The following DUSP16 variants were observed in gnomAD, a reference collection of about 807,000 sequenced individuals.
DUSP16 encodes the protein dual specificity protein phosphatase 16.
Under a neutral mutation model 58.3 loss-of-function variants are expected in DUSP16, and 21 were observed. That is an observed-to-expected ratio of 0.36 (90% CI 0.26 to 0.52). DUSP16 has a LOEUF of 0.52. Ranked by LOEUF, DUSP16 falls within the 20% of genes least tolerant of loss-of-function variation. The pLI is 0.94. For missense variants in DUSP16, 726 were observed against 819.0 expected (o/e 0.89, Z 1.39); for synonymous variants, 320 against 323.8 (o/e 0.99, Z 0.12).
chr12:12,560,306 G>A (rs1944878567), intron 1 of DUSP16, among the ~76,000 whole-genome samples: 1 of 151,892 alleles, frequency 6.6e-6, no homozygotes, highest in South Asian at 2.1e-4. Flanking sequence ...TACTTGAACC[G>A]AGTTATTTTC....
At chr12:12,530,321 G>T (rs1021318288) in intron 1 of DUSP16, among the ~76,000 whole-genome samples, 10 of 152,150 alleles carry the variant, frequency 6.6e-5, no homozygotes, top group African/African-American at 2.4e-4. Context: ...TTTGAAAAAT[G>T]TCAGGTCTTT....
intron 1 of DUSP16, among the ~76,000 whole-genome samples, chr12:12,546,277 G>GT: frequency 6.6e-6 from 1 of 152,284 alleles, no homozygotes; most frequent in Non-Finnish European, 1.5e-5. Flanking sequence ...TCGTGGTTGT[G>GT]TTTTTTCACA....
intron 5 of DUSP16, among the ~76,000 whole-genome samples, chr12:12,485,818 G>C (rs1245998614): frequency 9.3e-6 from 1 of 107,044 alleles, no homozygotes; most frequent in Non-Finnish European, 1.8e-5. Flanking sequence ...TTTGGAGACA[G>C]AGTCTCACTC....
rs1461992918 is a variant in DUSP16, at chr12:12,487,083, A to G, written c.636T>C (p.Asn212=). The change falls in exon 5 of 7, where the codon AAT becomes AAC. Residue 212 remains asparagine (N), a synonymous_variant. Coordinates refer to ENST00000298573, the MANE Select transcript of DUSP16 (RefSeq NM_030640.3). ...GCAAAATTTTCTCACAAAAGCTGTC[A>G]TTCACAGGCACACGCAGGAAATGAG... The part of the protein sequence containing the change: ...PESHFLRVPV[N]DSFCEKILPW... 1.9e-6 allele frequency: 3 copies of G among 1,614,210 alleles called. No homozygotes were observed. Among genetic ancestry groups the G allele is most frequent in the East Asian group, 2.2e-5 (1 of 44,890 alleles).
intron 1 of DUSP16, among the ~76,000 whole-genome samples, chr12:12,532,143 C>T (rs60909736): frequency 0.13 from 19,048 of 151,694 alleles, 1,282 homozygotes; most frequent in Middle Eastern, 0.16. Context: ...CCGGCCTGGG[C>T]GACAGAGCGA....
chr12:12,477,257 T>C lies in DUSP16; in HGVS notation c.1574A>G (p.Gln525Arg), dbSNP rs1331638738. ...TSFLFGLSTS[Q>R]QHLTKSAGLG... ...GCCAGCAGACTTCGTGAGGTGCTGCTGGCTGGTGGAAAGGCCGAAAAGGAA... is the reference window on the plus strand; with the variant it reads ...GCCAGCAGACTTCGTGAGGTGCTGCCGGCTGGTGGAAAGGCCGAAAAGGAA... Residue 525 changes from glutamine (Q) to arginine (R), a missense_variant, in exon 7 of 7, where the codon CAG (glutamine) becomes CGG (arginine). Physicochemically the swap from Gln to Arg is conservative, Grantham distance 43. Coordinates refer to ENST00000298573, the MANE Select transcript of DUSP16 (RefSeq NM_030640.3). The surrounding 1 kb of genome is among the most constrained non-coding windows in gnomAD (Gnocchi z 4.1). 1.2e-6 allele frequency: 2 copies of C among 1,614,238 alleles called. No homozygotes were observed. The highest frequency in any genetic ancestry group is 1.7e-6 in the Non-Finnish European group (2 of 1,180,050).
At chr12:12,480,933 G>A (rs1045730401) in intron 5 of DUSP16, among the ~76,000 whole-genome samples, 2 of 152,070 alleles carry the variant, frequency 1.3e-5, no homozygotes, top group Non-Finnish European at 2.9e-5. Context: ...TGGGCAGGCT[G>A]GTCTCTAACT....
intron 1 of DUSP16, among the ~76,000 whole-genome samples, chr12:12,557,401 A>G (rs537289077): frequency 5.9e-5 from 9 of 151,726 alleles, no homozygotes; most frequent in Non-Finnish European, 1.2e-4. Context: ...AGGCTGCAGA[A>G]AGCCGAGATG....
chr12:12,542,503 T>C (rs1944578916), intron 1 of DUSP16, among the ~76,000 whole-genome samples: 1 of 151,892 alleles, frequency 6.6e-6, no homozygotes, highest in African/African-American at 2.4e-5. Flanking sequence ...TGACCTAATG[T>C]GCAGAGTTTG....
chr12:12,517,169 C>G (rs1944166103), intron 3 of DUSP16, among the ~76,000 whole-genome samples: 1 of 152,232 alleles, frequency 6.6e-6, no homozygotes, highest in Non-Finnish European at 1.5e-5. Flanking sequence ...ACTGCCATAG[C>G]TAATGACCAT....
chr12:12,481,500 G>A (rs1248772492), intron 5 of DUSP16, among the ~76,000 whole-genome samples: 3 of 152,154 alleles, frequency 2.0e-5, no homozygotes, highest in South Asian at 2.1e-4. Context: ...ATTAACAGAT[G>A]CGCAAAGAAT....
rs1442412838 is a variant in DUSP16, at chr12:12,518,476, G to A, written c.367+1386C>T. Among the ~76,000 whole-genome samples, 9 of 150,840 alleles carry A rather than the reference G, an allele frequency of 6.0e-5. No homozygotes were observed. The South Asian group carries it at 1.5e-3, about 25-fold the overall frequency. ...TGCAGCAAGCCAAGGTCACACCACC[G>A]CACTCTAGCCTGGGCGACAGGGCAA... is the stretch of plus-strand genomic sequence containing the variant. On this transcript the variant is annotated intron_variant, in intron 3 of 6. Coordinates refer to ENST00000298573, the MANE Select transcript of DUSP16 (RefSeq NM_030640.3).
rs369168598 is a variant in DUSP16, at chr12:12,525,492, G to A, written c.-365-4029C>T. On this transcript the variant is annotated intron_variant, in intron 1 of 6. Transcript: ENST00000298573. ...CATGTCAGGCTGGTCTCGAACTCCCGACCTCAGGTAATCCACCTGCCTTGG... is the reference window on the plus strand; with the variant it reads ...CATGTCAGGCTGGTCTCGAACTCCCAACCTCAGGTAATCCACCTGCCTTGG... 2.0e-4 allele frequency among the ~76,000 whole-genome samples: 31 copies of A among 151,956 alleles called. No individual in the cohort carries two copies. In the East Asian group the frequency reaches 4.5e-3, roughly 22 times the overall value.
rs1943390311 is a variant in DUSP16, at chr12:12,474,766, T to G, written c.*2067A>C. The G allele has an allele frequency of 1.3e-5, 2 of 152,206 alleles. No individual in the cohort carries two copies. The highest frequency in any genetic ancestry group is 2.9e-5 in the Non-Finnish European group (2 of 68,048). 9.4% of individuals were successfully genotyped at this position (152,206 alleles called of 1,614,324 possible). A position where few individuals can be genotyped will look rare whatever the true frequency, so the allele number is the denominator to read the frequency against. ...ACATCGTTAGCAAGGAGCTACTGCTTTCCTTTCTTAAACATGTTTTGGGCA... is the reference window on the plus strand; with the variant it reads ...ACATCGTTAGCAAGGAGCTACTGCTGTCCTTTCTTAAACATGTTTTGGGCA... On this transcript the variant is annotated 3_prime_UTR_variant, in exon 7 of 7. Transcript: ENST00000298573.
intron 1 of DUSP16, among the ~76,000 whole-genome samples, chr12:12,541,895 CA>C (rs1255991841): frequency 1.3e-5 from 2 of 150,622 alleles, no homozygotes; most frequent in Admixed American, 6.6e-5. Context: ...TATAAACAGC[CA>C]AAAAAATTAA....
chr12:12,526,353 A>G (rs1256223805), intron 1 of DUSP16, among the ~76,000 whole-genome samples: 2 of 152,138 alleles, frequency 1.3e-5, no homozygotes, highest in Non-Finnish European at 2.9e-5. Context: ...TTACTTATGG[A>G]AATGTATTTA....
intron 3 of DUSP16, among the ~76,000 whole-genome samples, chr12:12,514,114 T>C (rs1041540343): frequency 2.0e-5 from 3 of 152,210 alleles, no homozygotes; most frequent in African/African-American, 4.8e-5. Context: ...TTCACATCCA[T>C]TGTCTAATAC....
At chr12:12,497,158 G>A (rs970683908) in intron 4 of DUSP16, among the ~76,000 whole-genome samples, 5 of 152,168 alleles carry the variant, frequency 3.3e-5, no homozygotes, top group African/African-American at 1.2e-4. Flanking sequence ...TACTATTTTA[G>A]ATATACTAGG....
At chr12:12,545,406 A>G (rs1391161864) in intron 1 of DUSP16, among the ~76,000 whole-genome samples, 1 of 151,028 alleles carries the variant, frequency 6.6e-6, no homozygotes, top group Non-Finnish European at 1.5e-5. Flanking sequence ...AGCTGGGGCT[A>G]CAGGTGTGCA....
Sources: allele counts gnomAD v4.1 joint callset (sites outside exome capture counted in the v4.1 genomes callset), GRCh38; gene constraint gnomAD v4.1.1; non-coding constraint Gnocchi (gnomAD v3.1); transcripts MANE v1.5; gene names NCBI Gene and HGNC (gene_info 2026-07-23, HGNC 2026-07-21).